NEDD4: variants seen among roughly 807,000 people sequenced by gnomAD.
NEDD4 encodes the protein E3 ubiquitin-protein ligase NEDD4.
A neutral mutation model predicts 144.9 loss-of-function variants in NEDD4; 99 were observed. The ratio of observed to expected loss-of-function variants is 0.68; its 90% CI spans 0.58 to 0.81. The LOEUF is 0.81. Ranked by LOEUF, NEDD4 falls within the 30% of genes least tolerant of loss-of-function variation. The pLI is 0.00. For synonymous variants in NEDD4, 318 were observed against 350.6 expected, an observed-to-expected ratio of 0.91 and a Z score of 1.04; for missense variants, 985 against 1,065.9, an observed-to-expected ratio of 0.92 and a Z score of 1.06.
intron 8 of NEDD4, among the ~76,000 whole-genome samples, chr15:55,867,466 T>G (rs2034624797): frequency 1.3e-5 from 2 of 152,186 alleles, no homozygotes; most frequent in African/African-American, 2.4e-5. Flanking sequence ...GGGCAAAACT[T>G]GGAGCAGGTT....
rs568013972 is a variant in NEDD4, at chr15:55,976,554, T to A, written c.46-10008A>T. Among the ~76,000 whole-genome samples, 4 of 151,626 alleles carry A rather than the reference T, an allele frequency of 2.6e-5. No individual in the cohort carries two copies. In the East Asian group the frequency reaches 5.8e-4, roughly 22 times the overall value. ...CTCACCCCAGTTAAAATGGCTCTTA[T>A]CCAAAAGATGGGCAATAACAAATGC... is the stretch of plus-strand genomic sequence containing the variant. On this transcript the variant is annotated intron_variant, in intron 1 of 28. Transcript: ENST00000435532.
chr15:55,831,167 G>T (rs1409986225), intron 27 of NEDD4, among the ~76,000 whole-genome samples: 1 of 152,166 alleles, frequency 6.6e-6, no homozygotes, highest in Non-Finnish European at 1.5e-5. Flanking sequence ...TGATCTGCCT[G>T]CCTCAGTCTC....
chr15:55,840,000 ATATATATATATATATATAT>A (rs1225741634), intron 21 of NEDD4, among the ~76,000 whole-genome samples: 33 of 13,414 alleles, frequency 2.5e-3, no homozygotes, highest in African/African-American at 7.2e-3. Context: ...AAAAAAAAAA[ATATATATATATATATATAT>A]ATATATATAT....
intron 5 of NEDD4, among the ~76,000 whole-genome samples, chr15:55,923,659 A>AAAAAATATATAT (rs546642962): frequency 7.4e-5 from 10 of 135,260 alleles, no homozygotes; most frequent in African/African-American, 2.5e-4. Context: ...AAAAAAAAAA[A>AAAAAATATATAT]ATATATATAT....
intron 5 of NEDD4, among the ~76,000 whole-genome samples, chr15:55,918,060 T>C (rs188913419): frequency 2.0e-5 from 3 of 152,184 alleles, no homozygotes; most frequent in Admixed American, 1.3e-4. Flanking sequence ...CTGTTTGATA[T>C]CTATAAAGAA....
At chr15:55,991,702 C>G (rs1380683000) in intron 1 of NEDD4, among the ~76,000 whole-genome samples, 2 of 152,196 alleles carry the variant, frequency 1.3e-5, no homozygotes, top group Non-Finnish European at 2.9e-5. Flanking sequence ...CATGAAACTT[C>G]CTAGAAGTAC....
intron 12 of NEDD4, among the ~76,000 whole-genome samples, chr15:55,854,776 T>TA (rs1183514138): frequency 1.3e-5 from 2 of 151,694 alleles, no homozygotes; most frequent in African/African-American, 2.4e-5. Flanking sequence ...AGAAAGCTCT[T>TA]AAAAAAAACC....
chr15:55,989,677 T>C (rs2037957788), intron 1 of NEDD4, among the ~76,000 whole-genome samples: 1 of 152,246 alleles, frequency 6.6e-6, no homozygotes, highest in Non-Finnish European at 1.5e-5. Context: ...TTCTTTTCCT[T>C]GCTTCAGTCA....
intron 1 of NEDD4, among the ~76,000 whole-genome samples, chr15:55,993,200 T>C (rs1156555773): frequency 2.4e-4 from 36 of 152,150 alleles, no homozygotes; most frequent in Non-Finnish European, 2.9e-5. Flanking sequence ...CGCGGTGATG[T>C]GGGTCCCCCG....
intron 2 of NEDD4, among the ~76,000 whole-genome samples, chr15:55,964,463 T>TCCTG (rs534490803): frequency 8.2e-4 from 125 of 152,308 alleles, no homozygotes; most frequent in African/African-American, 3.0e-3. Flanking sequence ...TATTTTTCAC[T>TCCTG]CCTGGAATTT....
intron 5 of NEDD4, among the ~76,000 whole-genome samples, chr15:55,882,714 G>A (rs1287296482): frequency 6.6e-6 from 1 of 152,150 alleles, no homozygotes. Context: ...GGGAGTGCGT[G>A]TGCCACCCCT....
intron 5 of NEDD4, chr15:55,916,163 A>G: frequency 6.2e-7 from 1 of 1,613,948 alleles, no homozygotes; most frequent in Non-Finnish European, 8.5e-7. Flanking sequence ...AAATTTCACA[A>G]GGAGTAGTAT....
At chr15:55,843,613 G>A (rs1476540219) in intron 18 of NEDD4, among the ~76,000 whole-genome samples, 2 of 152,008 alleles carry the variant, frequency 1.3e-5, no homozygotes, top group African/African-American at 4.8e-5. Context: ...AAAAAAGAAG[G>A]TTAGCTCTAA....
At chr15:55,973,617 C>A (rs1167476284) in intron 1 of NEDD4, among the ~76,000 whole-genome samples, 1 of 148,724 alleles carries the variant, frequency 6.7e-6, no homozygotes, top group Admixed American at 6.7e-5. Flanking sequence ...AAATCAATAA[C>A]AAGAGGAACT....
intron 1 of NEDD4, among the ~76,000 whole-genome samples, chr15:55,969,425 G>A (rs1307039717): frequency 6.6e-6 from 1 of 152,276 alleles, no homozygotes; most frequent in Non-Finnish European, 1.5e-5. Context: ...GTAGATTTGG[G>A]ATGCACATGA....
At chr15:55,902,515 G>A (rs1460397397) in intron 5 of NEDD4, among the ~76,000 whole-genome samples, 2 of 152,118 alleles carry the variant, frequency 1.3e-5, no homozygotes, top group East Asian at 1.9e-4. Context: ...AAGGAGAAGC[G>A]AGGAGGAGAT....
At chr15:55,846,751 T>C (rs1378291542) in intron 18 of NEDD4, among the ~76,000 whole-genome samples, 4 of 152,224 alleles carry the variant, frequency 2.6e-5, no homozygotes, top group Non-Finnish European at 5.9e-5. Context: ...GCCATTTTTC[T>C]ATATTATAAA....
rs1439206853 is a variant in NEDD4 at position 55,938,314 on chromosome 15, G to A, written c.237+13062C>T. Among the ~76,000 whole-genome samples, 14 of 152,186 alleles carry A rather than the reference G, an allele frequency of 9.2e-5. 1 individual carries two copies. The highest frequency in any genetic ancestry group is 5.9e-4 in the Admixed American group (9 of 15,282). On this transcript the variant is annotated intron_variant, in intron 4 of 28. Transcript: ENST00000435532. Reference sequence around the variant, plus strand: ...GTGGTGGTTGCGGTGAGCCGAGATCGTGCCACTGCATTCCAGTGAGACTGT... The same window carrying A: ...GTGGTGGTTGCGGTGAGCCGAGATCATGCCACTGCATTCCAGTGAGACTGT...
chr15:55,848,455 A>T (rs765475202), intron 16 of NEDD4, 25 bp from the exon 17 acceptor site: 4 of 1,613,518 alleles, frequency 2.5e-6, no homozygotes, highest in Non-Finnish European at 3.4e-6. Context: ...AAGAAAAAAG[A>T]TGTACTTTCT....
Sources: allele counts gnomAD v4.1 joint callset (sites outside exome capture counted in the v4.1 genomes callset), GRCh38; gene constraint gnomAD v4.1.1; transcripts MANE v1.5; gene names NCBI Gene and HGNC (gene_info 2026-07-23, HGNC 2026-07-21).